WWOX: variants seen among roughly 807,000 people sequenced by gnomAD.
WWOX encodes the protein WW domain containing oxidoreductase.
Under a neutral mutation model 46.2 loss-of-function variants are expected in WWOX, and 69 were observed. That is an observed-to-expected ratio of 1.49 (90% CI 1.23 to 1.82). The LOEUF is 1.82. Among genes scored for constraint, WWOX ranks in the 40% most tolerant of loss-of-function variants. WWOX has a pLI of 0.00. For synonymous variants in WWOX, 359 were observed against 202.6 expected, an observed-to-expected ratio of 1.77 and a Z score of -6.56; for missense variants, 919 against 542.6, an observed-to-expected ratio of 1.69 and a Z score of -6.89.
chr16:78,249,162 G>T (rs535952785), intron 5 of WWOX, among the ~76,000 whole-genome samples: 2 of 152,076 alleles, frequency 1.3e-5, no homozygotes, highest in South Asian at 2.1e-4. Flanking sequence ...GTCATGCCCC[G>T]TTTTATAGAT....
At chr16:78,419,732 T>G (rs994656155) in intron 6 of WWOX, among the ~76,000 whole-genome samples, 1 of 151,188 alleles carries the variant, frequency 6.6e-6, no homozygotes, top group Admixed American at 6.6e-5. Context: ...GATTTTGGCT[T>G]AGACAATGAT....
intron 1 of WWOX, among the ~76,000 whole-genome samples, chr16:78,103,192 G>A (rs1384673391): frequency 6.6e-6 from 1 of 151,024 alleles, no homozygotes; most frequent in Non-Finnish European, 1.5e-5. Flanking sequence ...CTTTCCTCCA[G>A]CCCTCCCGAC....
chr16:78,734,937 C>T (rs990683813), intron 8 of WWOX, among the ~76,000 whole-genome samples: 1 of 136,342 alleles, frequency 7.3e-6, no homozygotes, highest in African/African-American at 2.7e-5. Context: ...GCAATCTCAG[C>T]TCACTACAAC....
chr16:78,965,053 G>T (rs1406154059), intron 8 of WWOX, among the ~76,000 whole-genome samples: 1 of 152,218 alleles, frequency 6.6e-6, no homozygotes, highest in Non-Finnish European at 1.5e-5. Context: ...TGCTGCATGG[G>T]TGGAGCCCTC....
intron 8 of WWOX, among the ~76,000 whole-genome samples, chr16:78,719,894 A>G (rs2048651123): frequency 6.6e-6 from 1 of 152,150 alleles, no homozygotes; most frequent in Non-Finnish European, 1.5e-5. Context: ...GCAAAATATT[A>G]TTTGTTTCCC....
intron 4 of WWOX, chr16:78,145,771 C>T (rs2034178017): frequency 6.6e-6 from 1 of 152,178 alleles, no homozygotes; most frequent in Admixed American, 6.5e-5. Flanking sequence ...TTCCCCTTTT[C>T]ATAAGGACAC....
At chr16:78,651,634 C>T (rs2046968180) in intron 8 of WWOX, among the ~76,000 whole-genome samples, 1 of 152,208 alleles carries the variant, frequency 6.6e-6, no homozygotes, top group South Asian at 2.1e-4. Flanking sequence ...CACACAGACC[C>T]AGCTCATGTC....
chr16:79,205,811 G>A (rs956650076), intron 8 of WWOX: 1 of 152,194 alleles, frequency 6.6e-6, no homozygotes, highest in Non-Finnish European at 1.5e-5. Context: ...AGGAGAGGGA[G>A]TCAGAGGGAT....
chr16:79,032,492 A>T (rs904200789), intron 8 of WWOX, among the ~76,000 whole-genome samples: 2 of 148,104 alleles, frequency 1.4e-5, no homozygotes, highest in Non-Finnish European at 3.0e-5. Flanking sequence ...TATACATAAT[A>T]GACTATACAC....
chr16:78,984,138 A>G (rs955643250), intron 8 of WWOX, among the ~76,000 whole-genome samples: 2 of 152,166 alleles, frequency 1.3e-5, no homozygotes, highest in Non-Finnish European at 2.9e-5. Context: ...TTGGCCTCCC[A>G]AAGTGCTGGC....
At chr16:78,307,308 A>T (rs2080153145) in intron 5 of WWOX, among the ~76,000 whole-genome samples, 1 of 152,230 alleles carries the variant, frequency 6.6e-6, no homozygotes. Flanking sequence ...GGAAACGGTG[A>T]ATGTTGCTTT....
At chr16:79,084,648 C>G (rs571533167) in intron 8 of WWOX, among the ~76,000 whole-genome samples, 1 of 152,140 alleles carries the variant, frequency 6.6e-6, no homozygotes, top group Non-Finnish European at 1.5e-5. Context: ...CTCCTGGCCT[C>G]GTGATGCACC....
At chr16:78,770,807 C>A (rs577673561) in intron 8 of WWOX, among the ~76,000 whole-genome samples, 56 of 152,362 alleles carry the variant, frequency 3.7e-4, no homozygotes, top group African/African-American at 1.3e-3. Flanking sequence ...ACTCTTCTTT[C>A]CTCCCAAGCC....
chr16:78,308,188 C>A (rs974826474), intron 5 of WWOX, among the ~76,000 whole-genome samples: 1 of 152,146 alleles, frequency 6.6e-6, no homozygotes, highest in East Asian at 1.9e-4. Flanking sequence ...AGCACCATGC[C>A]ACACAGCCAC....
chr16:78,319,022 T>TA (rs2080411747), intron 5 of WWOX, among the ~76,000 whole-genome samples: 2 of 152,150 alleles, frequency 1.3e-5, no homozygotes, highest in South Asian at 4.1e-4. Flanking sequence ...CCTGCGAAGT[T>TA]AAAATCAGGA....
intron 5 of WWOX, among the ~76,000 whole-genome samples, chr16:78,282,302 C>T (rs182876795): frequency 3.9e-5 from 6 of 152,290 alleles, no homozygotes; most frequent in African/African-American, 7.2e-5. Flanking sequence ...ATGGTTCTGA[C>T]GTTGCAATTT....
intron 3 of WWOX, among the ~76,000 whole-genome samples, chr16:78,110,165 C>T (rs2032407258): frequency 6.6e-6 from 1 of 151,734 alleles, no homozygotes; most frequent in African/African-American, 2.4e-5. Context: ...CATGGTGAAA[C>T]TCCGTCTCTA....
At chr16:79,150,586 A>G (rs2050259447) in intron 8 of WWOX, among the ~76,000 whole-genome samples, 1 of 152,208 alleles carries the variant, frequency 6.6e-6, no homozygotes, top group Admixed American at 6.5e-5. Context: ...GAAATTAGCT[A>G]TAAACTTGCC....
intron 5 of WWOX, among the ~76,000 whole-genome samples, chr16:78,351,831 A>G (rs2081189829): frequency 6.6e-6 from 1 of 151,896 alleles, no homozygotes. Flanking sequence ...TAATTTTTAT[A>G]TTTTTACTCG....
Sources: allele counts gnomAD v4.1 joint callset (sites outside exome capture counted in the v4.1 genomes callset), GRCh38; gene constraint gnomAD v4.1.1; transcripts MANE v1.5; gene names NCBI Gene and HGNC (gene_info 2026-07-23, HGNC 2026-07-21).